Variants in ADAMTSL1 observed in about 807,000 individuals in gnomAD.
The protein encoded by ADAMTSL1 is ADAMTS-like protein 1.
ADAMTSL1 carries 126 observed loss-of-function variants against 201.8 expected under a neutral mutation model. That is an observed-to-expected ratio of 0.62 (90% CI 0.54 to 0.72). The LOEUF (loss-of-function observed/expected upper bound fraction) is 0.72, where lower values mean the gene tolerates loss of function less well. Among genes scored for constraint, ADAMTSL1 ranks in the 30% least tolerant of loss-of-function variants. The probability of loss-of-function intolerance (pLI) is 0.00; values close to 1 mark genes in which losing one functional copy is unlikely to be tolerated. For missense variants in ADAMTSL1, 2,679 were observed against 2,277.8 expected (o/e 1.18, Z -3.59); for synonymous variants, 1,121 against 903.4 (o/e 1.24, Z -4.32).
chr9:18,754,856 T>C (rs1350384868), intron 16 of ADAMTSL1, among the ~76,000 whole-genome samples: 1 of 152,214 alleles, frequency 6.6e-6, no homozygotes, highest in Non-Finnish European at 1.5e-5. Context: ...GGATGGTTTG[T>C]GGAAGAGGAT....
intron 1 of ADAMTSL1, among the ~76,000 whole-genome samples, chr9:18,126,558 T>C (rs1020515214): frequency 6.6e-6 from 1 of 152,226 alleles, no homozygotes; most frequent in African/African-American, 2.4e-5. Context: ...CCACCACTTG[T>C]AGTAGGCTTG....
chr9:18,311,915 G>A (rs1337041966), intron 2 of ADAMTSL1, among the ~76,000 whole-genome samples: 5 of 152,286 alleles, frequency 3.3e-5, no homozygotes, highest in Non-Finnish European at 7.4e-5. Context: ...AAAAAAAAAT[G>A]TATCCCAGGG....
At chr9:18,421,898 A>C (rs1047219697) in intron 2 of ADAMTSL1, among the ~76,000 whole-genome samples, 21 of 152,242 alleles carry the variant, frequency 1.4e-4, no homozygotes, top group Non-Finnish European at 1.5e-4. Flanking sequence ...CAAATAGTCA[A>C]GGATTTAAGA....
chr9:18,706,374 C>A (rs1480298736), intron 13 of ADAMTSL1, among the ~76,000 whole-genome samples: 1 of 152,120 alleles, frequency 6.6e-6, no homozygotes, highest in Non-Finnish European at 1.5e-5. Flanking sequence ...TTTCCAGCAT[C>A]CTATTTTATT....
intron 2 of ADAMTSL1, among the ~76,000 whole-genome samples, chr9:18,263,128 A>G (rs1831987024): frequency 6.6e-6 from 1 of 152,228 alleles, no homozygotes; most frequent in Non-Finnish European, 1.5e-5. Context: ...CCCTAGCACA[A>G]TGGTTGGCAC....
intron 2 of ADAMTSL1, among the ~76,000 whole-genome samples, chr9:18,430,888 G>T (rs1819458460): frequency 6.6e-6 from 1 of 152,188 alleles, no homozygotes; most frequent in African/African-American, 2.4e-5. Context: ...AGAATGATTA[G>T]CCCCATAGTG....
intron 1 of ADAMTSL1, among the ~76,000 whole-genome samples, chr9:17,950,435 T>G: frequency 6.6e-6 from 1 of 152,060 alleles, no homozygotes; most frequent in South Asian, 2.1e-4. Context: ...CCAGAAGAAA[T>G]TTCTACTGTG....
At chr9:18,640,433 T>C (rs11795307) in intron 7 of ADAMTSL1, among the ~76,000 whole-genome samples, 38,922 of 151,968 alleles carry the variant, frequency 0.26, 5,096 homozygotes, top group Non-Finnish European at 0.28. Flanking sequence ...CCAAGTATAC[T>C]ATAGTAATTT....
intron 1 of ADAMTSL1, among the ~76,000 whole-genome samples, chr9:18,497,129 A>G (rs2131884863): frequency 6.6e-6 from 1 of 152,366 alleles, no homozygotes; most frequent in South Asian, 2.1e-4. Context: ...AAACAGCAAC[A>G]GCAACCAGGA....
intron 1 of ADAMTSL1, among the ~76,000 whole-genome samples, chr9:18,002,439 G>T (rs1430211660): frequency 6.6e-6 from 1 of 152,010 alleles, no homozygotes; most frequent in African/African-American, 2.4e-5. Context: ...GATAGATAGT[G>T]TAATATATGT....
At chr9:18,181,517 C>T (rs1393191147) in intron 2 of ADAMTSL1, among the ~76,000 whole-genome samples, 1 of 151,548 alleles carries the variant, frequency 6.6e-6, no homozygotes, top group East Asian at 1.9e-4. Context: ...ATTTATGCAG[C>T]CAAAAAACAC....
intron 1 of ADAMTSL1, among the ~76,000 whole-genome samples, chr9:18,479,291 C>A (rs892058415): frequency 1.2e-4 from 18 of 152,212 alleles, no homozygotes; most frequent in African/African-American, 3.4e-4. Flanking sequence ...TGCCCAATGG[C>A]TGTAATCTGC....
intron 23 of ADAMTSL1, among the ~76,000 whole-genome samples, chr9:18,870,552 T>A (rs1827823027): frequency 6.6e-6 from 1 of 152,132 alleles, no homozygotes; most frequent in South Asian, 2.1e-4. Flanking sequence ...CCTTTGTTGC[T>A]CTTCTGTGAC....
intron 1 of ADAMTSL1, among the ~76,000 whole-genome samples, chr9:18,010,795 A>G (rs907428813): frequency 2.0e-5 from 3 of 152,012 alleles, no homozygotes; most frequent in African/African-American, 7.2e-5. Context: ...ACCACCGTGC[A>G]ATGTAGCCAG....
intron 1 of ADAMTSL1, among the ~76,000 whole-genome samples, chr9:18,111,461 AG>A (rs574241990): frequency 5.7e-4 from 87 of 152,262 alleles, no homozygotes; most frequent in Non-Finnish European, 9.7e-4. Flanking sequence ...TTGATGTCCA[AG>A]AAGCCCTTTT....
At chr9:18,700,109 G>A (rs1177181885) in intron 13 of ADAMTSL1, among the ~76,000 whole-genome samples, 1 of 152,136 alleles carries the variant, frequency 6.6e-6, no homozygotes, top group Non-Finnish European at 1.5e-5. Context: ...TTTAGGCGTG[G>A]TTCTAAGTAA....
chr9:18,045,892 A>C (rs1460736025), intron 1 of ADAMTSL1, among the ~76,000 whole-genome samples: 1 of 152,156 alleles, frequency 6.6e-6, no homozygotes, highest in East Asian at 1.9e-4. Flanking sequence ...AGCAAAAAAA[A>C]TTTCCCTGTT....
At chr9:18,723,139 A>G in intron 15 of ADAMTSL1, 1 of 738,516 alleles carries the variant, frequency 1.4e-6, no homozygotes, top group South Asian at 1.4e-5. Flanking sequence ...TCTGCCCTTT[A>G]TGTTTCCACA....
Position 18,137,628 on chromosome 9 carries a change from A to G in ADAMTSL1, c.88-26234A>G, listed in dbSNP as rs564488686. On this transcript the variant is annotated intron_variant, in intron 1 of 29. Coordinates refer to the ADAMTSL1 transcript ENST00000680146. ...TTTTTCCACTGGGATTTATATAACG[A>G]CTTCGGAGAAAACTAAAACAATGTA... is the stretch of plus-strand genomic sequence containing the variant. Among the ~76,000 whole-genome samples, 15 of 152,300 alleles carry G rather than the reference A, an allele frequency of 9.8e-5. No homozygotes were observed. The South Asian group carries it at 3.1e-3, about 32-fold the overall frequency.
Sources: gnomAD v4.1 joint callset for allele counts (sites outside exome capture counted in the v4.1 genomes callset) on GRCh38, gnomAD v4.1.1 for gene constraint, MANE v1.5 for transcripts, NCBI Gene and HGNC (gene_info 2026-07-23, HGNC 2026-07-21) for gene names.